SYT2: variants seen among roughly 807,000 people sequenced by gnomAD.
The protein encoded by SYT2 is synaptotagmin-2.
In SYT2, 15 loss-of-function variants were observed where a neutral mutation model predicts 39.9. The ratio of observed to expected loss-of-function variants is 0.38; its 90% confidence interval spans 0.25 to 0.58. The LOEUF (loss-of-function observed/expected upper bound fraction) is 0.58. Ranked by LOEUF, SYT2 falls within the 20% of genes least tolerant of loss-of-function variation. The probability of loss-of-function intolerance (pLI) is 0.70; values close to 1 mark genes in which losing one functional copy is unlikely to be tolerated. For missense variants in SYT2, 389 were observed against 530.3 expected (o/e 0.73, Z 2.62); for synonymous variants, 181 against 204.5 (o/e 0.89, Z 0.98).
intron 6 of SYT2, 87 bp from the exon 7 acceptor site, chr1:202,600,561 A>G (rs1690463495): frequency 8.2e-7 from 1 of 1,222,256 alleles, no homozygotes; most frequent in South Asian, 1.2e-5. Context: ...AAAATTAGCA[A>G]GGCAGTGATG....
At chr1:202,600,747 C>T (rs1002837863) in intron 6 of SYT2, among the ~76,000 whole-genome samples, 4 of 152,112 alleles carry the variant, frequency 2.6e-5, no homozygotes, top group African/African-American at 7.2e-5. Context: ...AGGACAGCTG[C>T]GGTGGCAGGA....
chr1:202,693,667 A>G (rs1373405341), intron 1 of SYT2, among the ~76,000 whole-genome samples: 7 of 152,210 alleles, frequency 4.6e-5, no homozygotes, highest in Admixed American at 1.3e-4. Flanking sequence ...AAAGTCCAGG[A>G]TCATGACTGT....
intron 1 of SYT2, among the ~76,000 whole-genome samples, chr1:202,689,588 T>C (rs1653767565): frequency 6.6e-6 from 1 of 152,096 alleles, no homozygotes; most frequent in South Asian, 2.1e-4. Flanking sequence ...ATTTAATCCC[T>C]CTGAGCACCC....
At chr1:202,615,112 C>T (rs1399363638) in intron 1 of SYT2, among the ~76,000 whole-genome samples, 10 of 152,164 alleles carry the variant, frequency 6.6e-5, no homozygotes, top group Non-Finnish European at 1.5e-4. Flanking sequence ...AGACAGACGG[C>T]ATTCCCGGGG....
intron 1 of SYT2, among the ~76,000 whole-genome samples, chr1:202,703,195 G>C (rs2149122321): frequency 6.6e-6 from 1 of 152,222 alleles, no homozygotes; most frequent in South Asian, 2.1e-4. Flanking sequence ...TGACCTTGGG[G>C]AAGGCATTTC....
chr1:202,708,816 GC>G (rs2102183606), intron 1 of SYT2, among the ~76,000 whole-genome samples: 1 of 152,320 alleles, frequency 6.6e-6, no homozygotes, highest in South Asian at 2.1e-4. Flanking sequence ...ACTGGGCATG[GC>G]TTTTTTCAGC....
chr1:202,649,985 ATCT>A (rs1255914052), intron 1 of SYT2, among the ~76,000 whole-genome samples: 1 of 152,206 alleles, frequency 6.6e-6, no homozygotes, highest in Admixed American at 6.5e-5. Flanking sequence ...AAAAGTACAG[ATCT>A]TCTCCATCCC....
chr1:202,701,597 A>G (rs1654123157), intron 1 of SYT2, among the ~76,000 whole-genome samples: 1 of 152,232 alleles, frequency 6.6e-6, no homozygotes. Context: ...GTAGTGTGGA[A>G]GAACACAAAG....
At chr1:202,612,231 T>C (rs1427914782) in intron 1 of SYT2, among the ~76,000 whole-genome samples, 6 of 152,178 alleles carry the variant, frequency 3.9e-5, no homozygotes, top group Non-Finnish European at 8.8e-5. Context: ...ATTTCTGGAC[T>C]CTCAATTCTA....
At chr1:202,696,575 C>T (rs973284437) in intron 1 of SYT2, among the ~76,000 whole-genome samples, 3 of 152,174 alleles carry the variant, frequency 2.0e-5, no homozygotes, top group African/African-American at 4.8e-5. Context: ...CTGTCTGTTC[C>T]GTCTTCATCA....
chr1:202,612,246 T>C (rs1448925679), intron 1 of SYT2, among the ~76,000 whole-genome samples: 1 of 152,212 alleles, frequency 6.6e-6, no homozygotes, highest in African/African-American at 2.4e-5. Flanking sequence ...ATTCTATCTG[T>C]ATGTCTAACC....
intron 1 of SYT2, among the ~76,000 whole-genome samples, chr1:202,629,843 C>T (rs1179455676): frequency 2.5e-5 from 3 of 121,622 alleles, no homozygotes; most frequent in African/African-American, 6.0e-5. Context: ...ACCAGCCAAG[C>T]GGCCATACCC....
At chr1:202,680,648 T>A (rs1653501637) in intron 1 of SYT2, among the ~76,000 whole-genome samples, 1 of 152,136 alleles carries the variant, frequency 6.6e-6, no homozygotes. Flanking sequence ...AAATCCTACT[T>A]AACCACACAA....
intron 1 of SYT2, chr1:202,639,699 G>T (rs563024289): frequency 1.0e-6 from 1 of 985,464 alleles, no homozygotes; most frequent in South Asian, 4.7e-5. Flanking sequence ...TCAGACTCAT[G>T]CTGCTTGCTT....
chr1:202,665,817 C>A (rs939480261), intron 1 of SYT2, among the ~76,000 whole-genome samples: 2 of 152,146 alleles, frequency 1.3e-5, no homozygotes, highest in African/African-American at 4.8e-5. Flanking sequence ...GATTTGTGAT[C>A]ATGATTTCTA....
intron 1 of SYT2, among the ~76,000 whole-genome samples, chr1:202,670,114 T>C (rs927846005): frequency 3.3e-5 from 5 of 152,164 alleles, no homozygotes; most frequent in Non-Finnish European, 5.9e-5. Context: ...AGAATACCAC[T>C]AATGCTATCA....
At chr1:202,618,361 A>C (rs1017043965) in intron 1 of SYT2, among the ~76,000 whole-genome samples, 2 of 151,468 alleles carry the variant, frequency 1.3e-5, no homozygotes, top group Admixed American at 1.3e-4. Flanking sequence ...AGGGACACCC[A>C]CCCAAGCATA....
rs1331547398 is a variant in SYT2, at chr1:202,600,436, A to G, written c.840T>C (p.Tyr280=). The change falls in exon 7 of 9, where the codon TAT becomes TAC. Residue 280 remains tyrosine (Y), a synonymous_variant. Transcript: ENST00000367268. ...CAGTGAGCTTCCCGGCCGTGGGCAC[A>G]TAGCGCAGGGAGGTGCAGATGTCGC... ...KLGDICTSLR[Y]VPTAGKLTVC... 2.5e-6 allele frequency: 4 copies of G among 1,614,108 alleles called. No homozygotes were observed. The African/African-American group carries it at 5.3e-5, about 22-fold the overall frequency.
chr1:202,624,013 G>T (rs1691272672), intron 1 of SYT2, among the ~76,000 whole-genome samples: 1 of 152,218 alleles, frequency 6.6e-6, no homozygotes, highest in Non-Finnish European at 1.5e-5. Context: ...TTTTCTTTCT[G>T]ACTAAATGTT....
Sources: gnomAD v4.1 joint callset for allele counts (sites outside exome capture counted in the v4.1 genomes callset) on GRCh38, gnomAD v4.1.1 for gene constraint, MANE v1.5 for transcripts, NCBI Gene and HGNC (gene_info 2026-07-23, HGNC 2026-07-21) for gene names.